Variants in YEATS2 observed in about 807,000 individuals in gnomAD.
YEATS2 encodes the protein YEATS domain containing 2, also known as YEATS domain-containing protein 2.
Under a neutral mutation model 163.2 loss-of-function variants are expected in YEATS2, and 77 were observed. The observed-to-expected ratio is 0.47, with a 90% CI of 0.39 to 0.57. The LOEUF (loss-of-function observed/expected upper bound fraction) is 0.57, where lower values mean the gene tolerates loss of function less well. Among genes scored for constraint, YEATS2 ranks in the 20% least tolerant of loss-of-function variants. YEATS2 has a pLI of 0.00. For missense variants in YEATS2, 1,549 were observed against 1,729.8 expected (o/e 0.90, Z 1.85); for synonymous variants, 631 against 645.1 (o/e 0.98, Z 0.33).
chr3:183,701,071 GTATA>G (rs1203758862), intron 1 of YEATS2, among the ~76,000 whole-genome samples: 1 of 146,676 alleles, frequency 6.8e-6, no homozygotes, highest in Non-Finnish European at 1.5e-5. Flanking sequence ...GTGTGTGTGT[GTATA>G]TATATATAAA....
At chr3:183,806,202 G>A (rs1035252075) in intron 27 of YEATS2, 5 of 422,128 alleles carry the variant, frequency 1.2e-5, no homozygotes, top group Admixed American at 6.0e-5. Flanking sequence ...TTCAACTTAC[G>A]ATGGGTTTTT....
chr3:183,740,849 C>T (rs552000381), intron 8 of YEATS2, among the ~76,000 whole-genome samples: 1 of 152,346 alleles, frequency 6.6e-6, no homozygotes, highest in African/African-American at 2.4e-5. Context: ...AAGATGCCAT[C>T]TAGGACTTTC....
intron 9 of YEATS2, 26 bp downstream of exon 9, chr3:183,747,742 C>G: frequency 6.2e-7 from 1 of 1,602,602 alleles, no homozygotes; most frequent in East Asian, 2.2e-5. Flanking sequence ...ACAGTATTAT[C>G]TGGGAATGAG....
At chr3:183,791,764 G>T (rs1397821422) in intron 21 of YEATS2, among the ~76,000 whole-genome samples, 3 of 152,164 alleles carry the variant, frequency 2.0e-5, no homozygotes, top group African/African-American at 7.2e-5. Context: ...GCTAGTGTTA[G>T]AGTGATAGGC....
chr3:183,757,653 A>G (rs1720910882), intron 12 of YEATS2, among the ~76,000 whole-genome samples: 1 of 152,232 alleles, frequency 6.6e-6, no homozygotes, highest in Non-Finnish European at 1.5e-5. Flanking sequence ...ATTAAGAGAA[A>G]TAGAAGATAA....
Position 183,790,820 on chromosome 3 carries a change from T to G in YEATS2, c.2937T>G (p.Ser979=), listed in dbSNP as rs750508451. The change falls in exon 21 of 31, where the codon TCT becomes TCG. Residue 979 remains serine (S), a synonymous_variant. Coordinates refer to ENST00000305135, the MANE Select transcript of YEATS2 (RefSeq NM_018023.5). ...AGTCTGAAGGAATGGCTCCCGTGTCTTCATCTACGGTCAGTTCTGTAACGA... is the reference window on the plus strand; with the variant it reads ...AGTCTGAAGGAATGGCTCCCGTGTCGTCATCTACGGTCAGTTCTGTAACGA... The part of the protein sequence containing the change: ...AQQSEGMAPV[S]SSTVSSVTKT... The G allele has an allele frequency of 6.2e-7, 1 of 1,613,968 alleles. No homozygotes were observed. Among genetic ancestry groups the G allele is most frequent in the South Asian group, 1.1e-5 (1 of 91,080 alleles).
In YEATS2 at chr3:183,777,665, G is replaced by A; in HGVS notation, c.2701G>A (p.Val901Ile). 1 of 1,614,128 alleles carries A rather than the reference G, an allele frequency of 6.2e-7. No homozygotes were observed. The highest frequency in any genetic ancestry group is 2.2e-5 in the East Asian group (1 of 44,888). Reference protein sequence around the residue: ...SSAQGQQTLKVISGQKTTLFT... With the variant: ...SSAQGQQTLKIISGQKTTLFT... ...TGCACAAGGACAACAAACGCTAAAA[G>A]TCATCTCTGGACAGAAAACCACATT... The change falls in exon 19 of 31, where the codon GTC (valine) becomes ATC (isoleucine). Residue 901 changes from valine to isoleucine, a missense_variant. By Grantham distance (29) the Val-to-Ile change is conservative. Coordinates refer to ENST00000305135, the MANE Select transcript of YEATS2 (RefSeq NM_018023.5).
intron 21 of YEATS2, among the ~76,000 whole-genome samples, chr3:183,792,965 T>C (rs558725862): frequency 2.6e-5 from 4 of 152,234 alleles, no homozygotes; most frequent in Non-Finnish European, 5.9e-5. Context: ...GCTAATATAA[T>C]ATATGGCTTT....
chr3:183,784,655 G>GT (rs946542697), intron 19 of YEATS2, among the ~76,000 whole-genome samples: 5 of 151,596 alleles, frequency 3.3e-5, no homozygotes, highest in Admixed American at 6.6e-5. Flanking sequence ...GATGCTTCCT[G>GT]TTTTTTGTAA....
intron 20 of YEATS2, among the ~76,000 whole-genome samples, chr3:183,789,709 T>TC (rs34505229): frequency 6.6e-6 from 1 of 150,442 alleles, no homozygotes; most frequent in African/African-American, 2.4e-5. Flanking sequence ...CTAATTTTTT[T>TC]TTTTTTGTAT....
At chr3:183,800,662 C>CT in intron 24 of YEATS2, 94 bp downstream of exon 24, 2 of 1,019,150 alleles carry the variant, frequency 2.0e-6, no homozygotes, top group Non-Finnish European at 3.0e-6. Context: ...GTGTGTAGCT[C>CT]TAAGCCCTTG....
chr3:183,712,632 C>G (rs908139765), intron 1 of YEATS2, among the ~76,000 whole-genome samples: 1 of 152,132 alleles, frequency 6.6e-6, no homozygotes, highest in Non-Finnish European at 1.5e-5. Context: ...CATAGATTAA[C>G]ACTGTAAGGG....
intron 19 of YEATS2, among the ~76,000 whole-genome samples, chr3:183,782,989 G>A (rs1346688831): frequency 3.3e-5 from 5 of 152,198 alleles, no homozygotes; most frequent in Non-Finnish European, 5.9e-5. Context: ...TCACCAACAC[G>A]GAGGATTGTC....
In YEATS2 at chr3:183,775,902, A is replaced by C; in HGVS notation, c.2369-13A>C. The C allele has an allele frequency of 6.2e-7, 1 of 1,611,616 alleles. No homozygotes were observed. Reference sequence around the variant, plus strand: ...ACTTTTTATGATGTTGCTGTCATTCATTGTATTTTTAGATCTCCAGTCTGG... The same window carrying C: ...ACTTTTTATGATGTTGCTGTCATTCCTTGTATTTTTAGATCTCCAGTCTGG... On this transcript the variant is annotated splice_polypyrimidine_tract_variant and intron_variant, in intron 17 of 30. Transcript: ENST00000305135.
chr3:183,742,813 T>C (rs1213797530), intron 8 of YEATS2, among the ~76,000 whole-genome samples: 1 of 152,192 alleles, frequency 6.6e-6, no homozygotes, highest in Non-Finnish European at 1.5e-5. Context: ...AGGAAGTCAG[T>C]CGAGGCAGCA....
At chr3:183,753,851 TGGA>T (rs1292030289) in intron 10 of YEATS2, among the ~76,000 whole-genome samples, 1 of 152,174 alleles carries the variant, frequency 6.6e-6, no homozygotes, top group Non-Finnish European at 1.5e-5. Flanking sequence ...TATTAAAAAA[TGGA>T]GGAACATAAG....
intron 15 of YEATS2, among the ~76,000 whole-genome samples, chr3:183,766,857 TAG>T (rs1721955377): frequency 6.6e-6 from 1 of 152,210 alleles, no homozygotes; most frequent in South Asian, 2.1e-4. Flanking sequence ...CTGTATTTTG[TAG>T]AGACTGGTTT....
intron 7 of YEATS2, among the ~76,000 whole-genome samples, chr3:183,733,589 TTGTTG>T (rs1227732756): frequency 6.6e-6 from 1 of 152,216 alleles, no homozygotes; most frequent in Non-Finnish European, 1.5e-5. Flanking sequence ...CTTAAGATGT[TTGTTG>T]TGTTAGGTAT....
chr3:183,756,771 T>C, intron 12 of YEATS2, 82 bp downstream of exon 12: 1 of 1,221,106 alleles, frequency 8.2e-7, no homozygotes, highest in Non-Finnish European at 1.1e-6. Flanking sequence ...TTGGTAGCCA[T>C]GTAATTGGAG....
Sources: allele counts gnomAD v4.1 joint callset (sites outside exome capture counted in the v4.1 genomes callset), GRCh38; gene constraint gnomAD v4.1.1; transcripts MANE v1.5; gene names NCBI Gene and HGNC (gene_info 2026-07-23, HGNC 2026-07-21).